TNIP2: variants seen among roughly 807,000 people sequenced by gnomAD.
TNIP2 encodes the protein TNFAIP3 interacting protein 2.
In TNIP2, 30 loss-of-function variants were observed where a neutral mutation model predicts 43.7. The ratio of observed to expected loss-of-function variants is 0.69; its 90% CI spans 0.51 to 0.93. The LOEUF (loss-of-function observed/expected upper bound fraction) is 0.93, where lower values mean the gene tolerates loss of function less well. Among genes scored for constraint, TNIP2 ranks in the 40% least tolerant of loss-of-function variants. TNIP2 has a pLI of 0.00. For missense variants in TNIP2, 599 were observed against 591.0 expected (o/e 1.01, Z -0.14); for synonymous variants, 260 against 254.6 (o/e 1.02, Z -0.20).
chr4:2,745,172 G>C (rs923115538), intron 3 of TNIP2, among the ~76,000 whole-genome samples: 1 of 152,200 alleles, frequency 6.6e-6, no homozygotes, highest in Non-Finnish European at 1.5e-5. Context: ...AGGTGGACTC[G>C]GTGCAGCTTT....
intron 5 of TNIP2, among the ~76,000 whole-genome samples, chr4:2,743,075 C>T (rs1204219986): frequency 6.6e-6 from 1 of 152,180 alleles, no homozygotes. Context: ...CTGTGGCCCT[C>T]ACTGCTTGCC....
In TNIP2 at chr4:2,756,026, G is replaced by A. The variant is rs1246504754; in HGVS notation, c.264C>T (p.Ala88=). 1 of 1,549,284 alleles carries A rather than the reference G, an allele frequency of 6.5e-7. No individual in the cohort carries two copies. The highest frequency in any genetic ancestry group is 8.6e-7 in the Non-Finnish European group (1 of 1,159,336). The part of the protein sequence containing the change: ...LRRQEGGAAE[A]QMRQEIERLT... The stretch of plus-strand genomic sequence containing the variant: ...CCCGCCCTCGTACCTGGCGCATCTG[G>A]GCCTCGGCGGCGCCGCCCTCCTGCC... Residue 88 remains alanine, a synonymous_variant, in exon 1 of 6, where the codon GCC becomes GCT. Coordinates refer to ENST00000315423, the MANE Select transcript of TNIP2 (RefSeq NM_024309.4).
intron 1 of TNIP2, among the ~76,000 whole-genome samples, chr4:2,753,056 G>T (rs1220314013): frequency 1.3e-5 from 2 of 152,036 alleles, no homozygotes; most frequent in Non-Finnish European, 2.9e-5. Context: ...CAGTGTCACA[G>T]ACCAAGACCC....
At chr4:2,745,281 C>T (rs75040025) in intron 3 of TNIP2, 165 bp downstream of exon 3, 26,541 of 638,732 alleles carry the variant, frequency 0.042, 670 homozygotes, top group Middle Eastern at 0.085. Context: ...GGACATGTCC[C>T]GTACGTCGTT....
chr4:2,744,287 C>A lies in TNIP2; in HGVS notation c.1026+100G>T. On this transcript the variant is annotated intron_variant, in intron 5 of 5. Coordinates refer to ENST00000315423, the MANE Select transcript of TNIP2 (RefSeq NM_024309.4). The surrounding 1 kb of genome is among the most constrained non-coding windows in gnomAD (Gnocchi z 5.1). ...GGCTCGCCACAACCCTCATCACCAG[C>A]AAATCAGGGCCTTGGCAGACACAGA... The A allele has an allele frequency of 6.7e-7, 1 of 1,495,914 alleles. No homozygotes were observed. The highest frequency in any genetic ancestry group is 9.1e-7 in the Non-Finnish European group (1 of 1,096,402). The allele number at this position is 1,495,914 out of a possible 1,614,324, so 92.7% of individuals were successfully genotyped here.
intron 2 of TNIP2, among the ~76,000 whole-genome samples, chr4:2,746,939 CCTT>C (rs1160845755): frequency 6.6e-6 from 1 of 152,226 alleles, no homozygotes; most frequent in Non-Finnish European, 1.5e-5. Flanking sequence ...CTCCCACGGT[CCTT>C]CTCTCTCCCA....
chr4:2,752,986 G>A (rs1016581855), intron 1 of TNIP2, among the ~76,000 whole-genome samples: 2 of 152,124 alleles, frequency 1.3e-5, no homozygotes, highest in Non-Finnish European at 2.9e-5. Flanking sequence ...GGCTGGTTGA[G>A]CCCAGGAGTT....
At chr4:2,755,199 C>T (rs1253792758) in intron 1 of TNIP2, among the ~76,000 whole-genome samples, 1 of 151,864 alleles carries the variant, frequency 6.6e-6, no homozygotes, top group Non-Finnish European at 1.5e-5. Context: ...ACACACACAC[C>T]ATACACACCC....
chr4:2,745,365 G>A, intron 3 of TNIP2, 81 bp downstream of exon 3: 1 of 1,082,534 alleles, frequency 9.2e-7, no homozygotes, highest in South Asian at 1.3e-5. Flanking sequence ...GGGCGACTCT[G>A]GGCATCAGCC....
Position 2,745,339 on chromosome 4 carries a change from G to C in TNIP2, c.657+107C>G, listed in dbSNP as rs1721917351. 7.2e-6 allele frequency: 6 copies of C among 829,234 alleles called. No homozygotes were observed. The South Asian group carries it at 9.3e-5, about 13-fold the overall frequency. The allele number at this position is 829,234 out of a possible 1,614,324, so 51.4% of individuals were successfully genotyped here. A position where few individuals can be genotyped will look rare whatever the true frequency, so the allele number is the denominator to read the frequency against. ...TAGGGACTGTGTGTATCAAGTCCTA[G>C]TGGCCAGAGGGCGGGGGGCGACTCT... is the stretch of plus-strand genomic sequence containing the variant. On this transcript the variant is annotated intron_variant, in intron 3 of 5. Transcript: ENST00000315423.
chr4:2,755,985 C>G, intron 1 of TNIP2, 29 bp downstream of exon 1: 1 of 1,523,658 alleles, frequency 6.6e-7, no homozygotes, highest in Non-Finnish European at 8.7e-7. Context: ...CTCTCGCTCC[C>G]GCAGCTCCTC....
chr4:2,753,640 C>A (rs567598264), intron 1 of TNIP2, among the ~76,000 whole-genome samples: 3 of 152,314 alleles, frequency 2.0e-5, no homozygotes, highest in African/African-American at 7.2e-5. Flanking sequence ...TGGCCACCGA[C>A]TGCAAGTATA....
chr4:2,747,465 T>TA (rs1300302057), intron 2 of TNIP2, 190 bp downstream of exon 2: 19 of 653,490 alleles, frequency 2.9e-5, no homozygotes, highest in Non-Finnish European at 4.5e-5. Flanking sequence ...GCTTTCCTAT[T>TA]ACATTTTGCA....
chr4:2,748,277 G>C (rs1028388150), intron 1 of TNIP2, among the ~76,000 whole-genome samples: 2 of 151,964 alleles, frequency 1.3e-5, no homozygotes, highest in Non-Finnish European at 2.9e-5. Context: ...CCAGGTTCAA[G>C]CGATTCTCCC....
In TNIP2 at chr4:2,755,881, G is replaced by A. The variant is rs1420398022; in HGVS notation, c.276+133C>T. 2.1e-5 allele frequency: 26 copies of A among 1,213,110 alleles called. No homozygotes were observed. The African/African-American group carries it at 4.5e-4, about 21-fold the overall frequency. 75.1% of individuals were successfully genotyped at this position (1,213,110 alleles called of 1,614,324 possible). A position where few individuals can be genotyped will look rare whatever the true frequency, so the allele number is the denominator to read the frequency against. ...CTCCCCCAACCCCTCAGGACCCGAG[G>A]CCAACTCAACCCCAGGACCCAGTAC... On this transcript the variant is annotated intron_variant, in intron 1 of 5. Coordinates refer to ENST00000315423, the MANE Select transcript of TNIP2 (RefSeq NM_024309.4).
chr4:2,755,980 G>T (rs1450062441), intron 1 of TNIP2, 34 bp downstream of exon 1: 2 of 1,512,316 alleles, frequency 1.3e-6, no homozygotes, highest in African/African-American at 1.5e-5. Context: ...ACGCACTCTC[G>T]CTCCCGCAGC....
chr4:2,755,972 G>A, intron 1 of TNIP2, 42 bp downstream of exon 1: 1 of 1,502,150 alleles, frequency 6.7e-7, no homozygotes, highest in Non-Finnish European at 8.8e-7. Context: ...GCCGCCACAC[G>A]CACTCTCGCT....
intron 3 of TNIP2, 93 bp from the exon 4 acceptor site, chr4:2,745,038 C>A (rs565411831): frequency 1.4e-6 from 2 of 1,472,304 alleles, no homozygotes; most frequent in African/African-American, 2.8e-5. Context: ...AGCAGTGATT[C>A]GCTGAGTGAG....
chr4:2,755,360 A>G (rs539011226), intron 1 of TNIP2, among the ~76,000 whole-genome samples: 1 of 151,546 alleles, frequency 6.6e-6, no homozygotes, highest in African/African-American at 2.4e-5. Context: ...TACCCCTAAG[A>G]GCCCACCTGA....
Sources: gnomAD v4.1 joint callset for allele counts (sites outside exome capture counted in the v4.1 genomes callset) on GRCh38, gnomAD v4.1.1 for gene constraint, Gnocchi (gnomAD v3.1) non-coding constraint, MANE v1.5 for transcripts, NCBI Gene and HGNC (gene_info 2026-07-23, HGNC 2026-07-21) for gene names.